The following OR2L5 variants were observed in gnomAD, a reference collection of about 807,000 sequenced individuals.
OR2L5 encodes the protein olfactory receptor 2L5.
For missense variants in OR2L5, 413 were observed against 381.6 expected (o/e 1.08, Z -0.69); for synonymous variants, 169 against 142.0 (o/e 1.19, Z -1.35).
At chr1:248,020,962 T>C (rs748410929) in intron 1 of OR2L5, among the ~76,000 whole-genome samples, 6 of 151,700 alleles carry the variant, frequency 4.0e-5, no homozygotes, top group Non-Finnish European at 7.4e-5. Context: ...GAAGGAAATA[T>C]AAGTTCCTCC....
intron 1 of OR2L5, among the ~76,000 whole-genome samples, chr1:248,018,566 T>C (rs913737474): frequency 1.3e-5 from 2 of 152,194 alleles, no homozygotes; most frequent in Non-Finnish European, 2.9e-5. Flanking sequence ...CAGAAACTTG[T>C]AGGAATTTTC....
chr1:248,014,745 C>T (rs193038661), intron 1 of OR2L5, among the ~76,000 whole-genome samples: 11 of 152,242 alleles, frequency 7.2e-5, no homozygotes, highest in African/African-American at 9.6e-5. Flanking sequence ...AAGTAATACA[C>T]GGTCACTATG....
At chr1:248,014,584 T>C (rs1662146011) in intron 1 of OR2L5, among the ~76,000 whole-genome samples, 1 of 152,130 alleles carries the variant, frequency 6.6e-6, no homozygotes, top group Non-Finnish European at 1.5e-5. Flanking sequence ...GAGCATAGTA[T>C]GTGGAAACAA....
intron 1 of OR2L5, among the ~76,000 whole-genome samples, chr1:248,020,284 C>T (rs1438011449): frequency 6.6e-6 from 1 of 152,170 alleles, no homozygotes; most frequent in Non-Finnish European, 1.5e-5. Context: ...GGAAGTAAAA[C>T]TGTCGCTGTT....
At position 248,022,029 on chromosome 1, in the gene OR2L5, A is replaced by T. The variant is rs186528486; in HGVS notation, c.82A>T (p.Ile28Phe). Residue 28 changes from isoleucine to phenylalanine, a missense_variant, in exon 2 of 2, where the codon ATT becomes TTT. Coordinates refer to ENST00000355281, the MANE Select transcript of OR2L5 (RefSeq NM_001258284.2). The stretch of plus-strand genomic sequence containing the variant: ...ATCAAAAATTGGCCTTTTCCTCTTC[A>T]TTCTCTTTGTTCTCATTTTCCTAAT... ...PPSKIGLFLFILFVLIFLMAL... is the reference protein window; with the variant it reads ...PPSKIGLFLFFLFVLIFLMAL... 12 of 1,613,876 alleles carry T rather than the reference A, an allele frequency of 7.4e-6. No homozygotes were observed. The African/African-American group carries it at 1.3e-4, about 18-fold the overall frequency.
In OR2L5 at chr1:248,022,119, A is replaced by AT; in HGVS notation, c.173dup (p.Met58IlefsTer6). The AT allele has an allele frequency of 1.2e-6, 2 of 1,613,866 alleles. No homozygotes were observed. The highest frequency in any genetic ancestry group is 2.2e-5 in the South Asian group (2 of 91,066). ...CTTGGACACCCATCTCCACACACCC[A>AT]TGTATTTCCTGCTTAGTCAGCTCTC... On this transcript the variant is annotated frameshift_variant, in exon 2 of 2. Transcript: ENST00000355281. LOFTEE classifies it low-confidence loss of function (END_TRUNC).
At position 248,021,965 on chromosome 1, in the gene OR2L5, A is replaced by G. The variant is rs749753142; in HGVS notation, c.18A>G (p.Gln6=). MENYN[Q]TSTDFILLGL... ...AATGCCCCATGGAAAATTACAATCA[A>G]ACGTCAACTGATTTCATCTTATTGG... The change falls in exon 2 of 2, where the codon CAA becomes CAG. Residue 6 remains glutamine, a synonymous_variant. Coordinates refer to ENST00000355281, the MANE Select transcript of OR2L5 (RefSeq NM_001258284.2). 6.2e-7 allele frequency: 1 copy of G among 1,613,062 alleles called. No homozygotes were observed. Among genetic ancestry groups the G allele is most frequent in the Non-Finnish European group, 8.5e-7 (1 of 1,179,400 alleles).
intron 1 of OR2L5, among the ~76,000 whole-genome samples, chr1:248,015,657 G>A (rs563457483): frequency 6.6e-6 from 1 of 152,248 alleles, no homozygotes; most frequent in East Asian, 1.9e-4. Flanking sequence ...AAGCAACCTA[G>A]ATTTTTGCAA....
intron 1 of OR2L5, among the ~76,000 whole-genome samples, chr1:248,014,960 A>ATAC (rs939624405): frequency 2.6e-5 from 4 of 152,164 alleles, no homozygotes; most frequent in Non-Finnish European, 5.9e-5. Context: ...CAGTCAAAGG[A>ATAC]TACTTCATAC....
chr1:248,014,848 T>C (rs997285488), intron 1 of OR2L5, among the ~76,000 whole-genome samples: 16 of 152,186 alleles, frequency 1.1e-4, no homozygotes, highest in African/African-American at 3.4e-4. Flanking sequence ...CTTACATTTC[T>C]AGTAATTGTA....
At chr1:248,015,166 A>C (rs1457997755) in intron 1 of OR2L5, among the ~76,000 whole-genome samples, 2 of 152,196 alleles carry the variant, frequency 1.3e-5, no homozygotes, top group African/African-American at 2.4e-5. Flanking sequence ...GGTTCTCCAA[A>C]TTCATACCCT....
intron 1 of OR2L5, among the ~76,000 whole-genome samples, chr1:248,019,236 AT>A (rs1196291490): frequency 1.3e-5 from 2 of 152,130 alleles, no homozygotes; most frequent in Non-Finnish European, 2.9e-5. Context: ...TATTTTGATG[AT>A]TTTTTGACTT....
intron 1 of OR2L5, among the ~76,000 whole-genome samples, chr1:248,014,553 G>A (rs1662145068): frequency 1.3e-5 from 2 of 152,096 alleles, no homozygotes; most frequent in African/African-American, 4.8e-5. Context: ...GAACCATGCA[G>A]TGGTTTTGTA....
At chr1:248,015,226 A>T (rs1334905751) in intron 1 of OR2L5, among the ~76,000 whole-genome samples, 1 of 152,228 alleles carries the variant, frequency 6.6e-6, no homozygotes, top group Non-Finnish European at 1.5e-5. Flanking sequence ...AAGATCAGTT[A>T]TTCCTACGTC....
chr1:248,018,158 AAT>A (rs1184574451), intron 1 of OR2L5, among the ~76,000 whole-genome samples: 19 of 151,336 alleles, frequency 1.3e-4, no homozygotes, highest in African/African-American at 4.4e-4. Flanking sequence ...ATCTCAAAAA[AAT>A]AAAAAAAAAA....
In OR2L5 at chr1:248,023,992, C is replaced by T. The variant is rs1324347853; in HGVS notation, c.*1106C>T. The T allele has an allele frequency of 1.3e-5, 2 of 152,112 alleles. No individual in the cohort carries two copies. Among genetic ancestry groups the T allele is most frequent in the African/African-American group, 2.4e-5 (1 of 41,424 alleles). 9.4% of individuals were successfully genotyped at this position (152,112 alleles called of 1,614,324 possible). On this transcript the variant is annotated 3_prime_UTR_variant, in exon 2 of 2. Transcript: ENST00000355281. ...TAAAAACTATTTATCTGAAGAATAA[C>T]ATCATGTGATCAGAAAATATATTTT... is the stretch of plus-strand genomic sequence containing the variant.
intron 1 of OR2L5, among the ~76,000 whole-genome samples, chr1:248,018,343 G>A (rs1463790216): frequency 6.6e-6 from 1 of 152,076 alleles, no homozygotes; most frequent in Non-Finnish European, 1.5e-5. Context: ...AAATACAAAT[G>A]ATAGAAATGT....
Position 248,018,160 on chromosome 1 carries a change from T to TA in OR2L5, c.-21-3756dup, listed in dbSNP as rs936469426. ...ACAGAGCGACTCCATCTCAAAAAAA[T>TA]AAAAAAAAAAATTCGTTATTTTTCT... On this transcript the variant is annotated intron_variant, in intron 1 of 1. Transcript: ENST00000355281. 4.2e-4 allele frequency among the ~76,000 whole-genome samples: 60 copies of TA among 144,212 alleles called. 2 individuals carry two copies. Among genetic ancestry groups the TA allele is most frequent in the East Asian group, 2.6e-3 (13 of 4,948 alleles). 94.6% of individuals were successfully genotyped at this position (144,212 alleles called of 152,430 possible). A position where few individuals can be genotyped will look rare whatever the true frequency, so the allele number is the denominator to read the frequency against.
chr1:248,020,566 C>T (rs999798039), intron 1 of OR2L5, among the ~76,000 whole-genome samples: 1 of 152,000 alleles, frequency 6.6e-6, no homozygotes, highest in African/African-American at 2.4e-5. Flanking sequence ...CTGGGGTCCA[C>T]AGTAACTGGA....
Sources: allele counts gnomAD v4.1 joint callset (sites outside exome capture counted in the v4.1 genomes callset), GRCh38; gene constraint gnomAD v4.1.1; transcripts MANE v1.5; gene names NCBI Gene and HGNC (gene_info 2026-07-23, HGNC 2026-07-21).